Variants in CXADR observed in about 807,000 individuals in gnomAD.
The protein encoded by CXADR is coxsackievirus and adenovirus receptor.
In CXADR, 20 loss-of-function variants were observed where a neutral mutation model predicts 40.3. The ratio of observed to expected loss-of-function variants is 0.50; its 90% CI spans 0.35 to 0.72. The LOEUF (loss-of-function observed/expected upper bound fraction) is 0.72. Ranked by LOEUF, CXADR falls within the 30% of genes least tolerant of loss-of-function variation. The pLI is 0.01. For missense variants in CXADR, 332 were observed against 449.1 expected (o/e 0.74, Z 2.36); for synonymous variants, 150 against 161.3 (o/e 0.93, Z 0.53).
intron 1 of CXADR, among the ~76,000 whole-genome samples, chr21:17,542,270 G>T (rs367620704): frequency 3.5e-4 from 54 of 152,120 alleles, no homozygotes; most frequent in African/African-American, 1.3e-3. Flanking sequence ...GACCACCTAG[G>T]TTAACAAACA....
downstream of CXADR, among the ~76,000 whole-genome samples, chr21:17,595,534 CCTG>C (rs1386286357): frequency 3.3e-5 from 5 of 151,814 alleles, no homozygotes; most frequent in African/African-American, 7.3e-5. Flanking sequence ...TGGATTGTAT[CCTG>C]CTTTTTACAT....
chr21:17,575,576 C>T (rs1439850504), intron 7 of CXADR, among the ~76,000 whole-genome samples: 3 of 151,236 alleles, frequency 2.0e-5, no homozygotes, highest in East Asian at 2.0e-4. Context: ...CTGCAAGCTC[C>T]GCCACCCGGG....
chr21:17,554,338 G>A (rs1228892305), intron 3 of CXADR, among the ~76,000 whole-genome samples: 1 of 152,162 alleles, frequency 6.6e-6, no homozygotes, highest in Non-Finnish European at 1.5e-5. Flanking sequence ...CAGGAGCCGT[G>A]ACTGCCCGGC....
At chr21:17,581,546 T>A (rs900425402) in intron 7 of CXADR, among the ~76,000 whole-genome samples, 2 of 152,174 alleles carry the variant, frequency 1.3e-5, no homozygotes, top group African/African-American at 4.8e-5. Context: ...TTTTCTTTGT[T>A]TAAAAACATT....
chr21:17,589,080 T>TAA (rs1288379702), intron 7 of CXADR, among the ~76,000 whole-genome samples: 2 of 152,086 alleles, frequency 1.3e-5, no homozygotes, highest in African/African-American at 4.8e-5. Flanking sequence ...TACTCCCTAA[T>TAA]ACTTTTTCTT....
chr21:17,605,258 C>G, the CXADR span: 1 of 282,152 alleles, frequency 3.5e-6, no homozygotes, highest in African/African-American at 2.2e-5. Flanking sequence ...GAGACTTGAC[C>G]ACCCATGTAC....
intron 1 of CXADR, among the ~76,000 whole-genome samples, chr21:17,520,119 C>G (rs1330678079): frequency 6.6e-6 from 1 of 152,116 alleles, no homozygotes; most frequent in African/African-American, 2.4e-5. Flanking sequence ...GAATACCTAA[C>G]ACTCTTCACT....
chr21:17,528,901 A>G (rs1269626535), intron 1 of CXADR, among the ~76,000 whole-genome samples: 2 of 152,092 alleles, frequency 1.3e-5, no homozygotes, highest in Non-Finnish European at 1.5e-5. Flanking sequence ...AGTCCTGGTC[A>G]GACTCCAGCT....
At chr21:17,526,256 C>T (rs1320904257) in intron 1 of CXADR, among the ~76,000 whole-genome samples, 2 of 152,098 alleles carry the variant, frequency 1.3e-5, no homozygotes, top group Admixed American at 1.3e-4. Flanking sequence ...ATGGAACATG[C>T]CTTTGGAATA....
chr21:17,617,272 T>C, the CXADR span, among the ~76,000 whole-genome samples: 7 of 151,370 alleles, frequency 4.6e-5, no homozygotes, highest in Admixed American at 3.3e-4. Flanking sequence ...GGAGTAAAAT[T>C]TCCCAGCTTG....
At chr21:17,627,511 G>A in the CXADR span, among the ~76,000 whole-genome samples, 1 of 151,640 alleles carries the variant, frequency 6.6e-6, no homozygotes, top group Non-Finnish European at 1.5e-5. Context: ...GGCACCTCAT[G>A]CACCTGACCT....
At chr21:17,549,803 A>G (rs568195677) in intron 2 of CXADR, among the ~76,000 whole-genome samples, 51 of 152,346 alleles carry the variant, frequency 3.3e-4, no homozygotes, top group South Asian at 1.2e-3. Flanking sequence ...ATTGAACTCT[A>G]CGACCTTTAG....
intron 1 of CXADR, among the ~76,000 whole-genome samples, chr21:17,540,450 C>A (rs1010083531): frequency 5.3e-5 from 8 of 152,112 alleles, no homozygotes; most frequent in Non-Finnish European, 8.8e-5. Context: ...CTGAAGGTGG[C>A]AATATTTAGT....
chr21:17,532,599 T>C (rs1321552273), intron 1 of CXADR, among the ~76,000 whole-genome samples: 5 of 152,232 alleles, frequency 3.3e-5, no homozygotes, highest in Non-Finnish European at 7.3e-5. Flanking sequence ...AGTGTCATTT[T>C]TTTTACATAA....
At chr21:17,607,887 A>G in the CXADR span, among the ~76,000 whole-genome samples, 2 of 152,246 alleles carry the variant, frequency 1.3e-5, no homozygotes, top group African/African-American at 4.8e-5. Flanking sequence ...TACAGTGAGC[A>G]TGCCAGGGCA....
At chr21:17,534,038 A>ATG (rs2060714975) in intron 1 of CXADR, among the ~76,000 whole-genome samples, 1 of 140,852 alleles carries the variant, frequency 7.1e-6, no homozygotes, top group Admixed American at 7.3e-5. Context: ...AGCTATATAT[A>ATG]TATATATACA....
At chr21:17,528,068 CTT>C (rs35477813) in intron 1 of CXADR, among the ~76,000 whole-genome samples, 10,313 of 77,690 alleles carry the variant, frequency 0.13, 196 homozygotes, top group East Asian at 0.25. Context: ...TTAGTTCTTT[CTT>C]TTTTTTTTTT....
At chr21:17,523,271 G>T (rs549951796) in intron 1 of CXADR, among the ~76,000 whole-genome samples, 1 of 152,298 alleles carries the variant, frequency 6.6e-6, no homozygotes, top group African/African-American at 2.4e-5. Context: ...ATGGCACAGG[G>T]CATGTTCATT....
intron 1 of CXADR, among the ~76,000 whole-genome samples, chr21:17,534,094 ATATATATTTTTTTT>A (rs1280938369): frequency 1.1e-5 from 1 of 90,708 alleles, no homozygotes; most frequent in African/African-American, 5.1e-5. Flanking sequence ...ATATATATAT[ATATATATTTTTTTT>A]TTTTTTTTTT....
Sources: gnomAD v4.1 joint callset for allele counts (sites outside exome capture counted in the v4.1 genomes callset) on GRCh38, gnomAD v4.1.1 for gene constraint, MANE v1.5 for transcripts, NCBI Gene and HGNC (gene_info 2026-07-23, HGNC 2026-07-21) for gene names.